The following DGCR2 variants were observed in gnomAD, a reference collection of about 807,000 sequenced individuals.
DGCR2 encodes DiGeorge syndrome critical region gene 2, also known as integral membrane protein DGCR2/IDD.
A neutral mutation model predicts 51.6 loss-of-function variants in DGCR2; 24 were observed. The ratio of observed to expected loss-of-function variants is 0.47; its 90% confidence interval spans 0.34 to 0.65. The LOEUF is 0.65. DGCR2 is among the 30% of genes least tolerant of loss of function. The probability of loss-of-function intolerance (pLI) is 0.01; values close to 1 mark genes in which losing one functional copy is unlikely to be tolerated. For missense variants in DGCR2, 765 were observed against 772.1 expected, an observed-to-expected ratio of 0.99 and a Z score of 0.11; for synonymous variants, 340 against 315.4, an observed-to-expected ratio of 1.08 and a Z score of -0.82.
At chr22:19,044,853 T>C (rs1005145) in intron 7 of DGCR2, among the ~76,000 whole-genome samples, 1 of 152,246 alleles carries the variant, frequency 6.6e-6, no homozygotes, top group Non-Finnish European at 1.5e-5. Flanking sequence ...TATTATTGAG[T>C]TTTTATGTAT....
At position 19,077,020 on chromosome 22, in the gene DGCR2, A is replaced by T; in HGVS notation, c.203-8795T>A. The stretch of plus-strand genomic sequence containing the variant: ...ATTACAGGCGTGAGCCGCCGCACCC[A>T]GTCCTTTGCACATTTTTTAACCAGG... On this transcript the variant is annotated intron_variant, in intron 2 of 9. Transcript: ENST00000263196. Among the ~76,000 whole-genome samples, 2 of 152,142 alleles carry T rather than the reference A, an allele frequency of 1.3e-5. 1 individual carries two copies. The highest frequency in any genetic ancestry group is 1.3e-4 in the Admixed American group (2 of 15,268).
Position 19,117,005 on chromosome 22 carries a change from G to C in DGCR2, c.79+5123C>G, listed in dbSNP as rs150646680. Among the ~76,000 whole-genome samples the C allele has an allele frequency of 2.6e-3, 398 of 152,056 alleles. 2 individuals carry two copies. Among genetic ancestry groups the C allele is most frequent in the Admixed American group, 5.8e-3 (89 of 15,272 alleles). ...TGCTAAGAGGACACCTGCACAACCAGATCACCTCCCACCATGGCTAAGAGG... is the reference window on the plus strand; with the variant it reads ...TGCTAAGAGGACACCTGCACAACCACATCACCTCCCACCATGGCTAAGAGG... On this transcript the variant is annotated intron_variant, in intron 1 of 9. Coordinates refer to ENST00000263196, the MANE Select transcript of DGCR2 (RefSeq NM_005137.3).
chr22:19,093,806 G>A (rs2083107231), intron 1 of DGCR2, among the ~76,000 whole-genome samples: 1 of 151,962 alleles, frequency 6.6e-6, no homozygotes, highest in Non-Finnish European at 1.5e-5. Context: ...AAACCAGCCT[G>A]TGCAACATAA....
intron 4 of DGCR2, among the ~76,000 whole-genome samples, chr22:19,063,977 C>CAA (rs1371831936): frequency 2.3e-4 from 35 of 152,238 alleles, no homozygotes; most frequent in Admixed American, 2.3e-3. Context: ...AACACTTGCA[C>CAA]GGCTTCCCAC....
At chr22:19,104,284 A>G (rs1196773393) in intron 1 of DGCR2, among the ~76,000 whole-genome samples, 1 of 152,164 alleles carries the variant, frequency 6.6e-6, no homozygotes, top group Non-Finnish European at 1.5e-5. Flanking sequence ...CCCAGGAATT[A>G]GTGGATTCAT....
intron 1 of DGCR2, among the ~76,000 whole-genome samples, chr22:19,110,430 A>C (rs2083302199): frequency 6.6e-6 from 1 of 152,136 alleles, no homozygotes; most frequent in Non-Finnish European, 1.5e-5. Flanking sequence ...TATGGGAAGA[A>C]GACAAGAAAA....
chr22:19,087,405 T>A (rs1048185045), intron 2 of DGCR2, among the ~76,000 whole-genome samples: 3 of 152,208 alleles, frequency 2.0e-5, no homozygotes, highest in African/African-American at 7.2e-5. Context: ...TTTCTTTTTT[T>A]TTGAAACAGA....
At chr22:19,071,384 T>C (rs1387356267) in intron 2 of DGCR2, among the ~76,000 whole-genome samples, 1 of 152,236 alleles carries the variant, frequency 6.6e-6, no homozygotes, top group African/African-American at 2.4e-5. Flanking sequence ...GAAAGAAATA[T>C]TCACAATAGT....
intron 2 of DGCR2, among the ~76,000 whole-genome samples, chr22:19,083,086 CAAAA>C (rs60335630): frequency 3.4e-5 from 4 of 118,232 alleles, no homozygotes; most frequent in Admixed American, 8.6e-5. Context: ...GACCTTGTCT[CAAAA>C]AAAAAAAAAA....
intron 6 of DGCR2, among the ~76,000 whole-genome samples, chr22:19,056,745 T>C (rs1037921151): frequency 2.6e-5 from 4 of 152,138 alleles, no homozygotes; most frequent in Non-Finnish European, 4.4e-5. Context: ...ACAGGGATGA[T>C]TGTCTCTTCC....
intron 1 of DGCR2, among the ~76,000 whole-genome samples, chr22:19,095,187 A>T (rs1448320018): frequency 6.6e-6 from 1 of 151,488 alleles, no homozygotes; most frequent in African/African-American, 2.4e-5. Flanking sequence ...ACATGGAAAA[A>T]CCCCATCTCT....
chr22:19,081,935 T>C (rs2082940286), intron 2 of DGCR2, among the ~76,000 whole-genome samples: 1 of 152,234 alleles, frequency 6.6e-6, no homozygotes, highest in Admixed American at 6.5e-5. Flanking sequence ...CGAAATGCTT[T>C]ATAGGAGTTC....
chr22:19,097,427 C>T (rs907512262), intron 1 of DGCR2, among the ~76,000 whole-genome samples: 1 of 152,118 alleles, frequency 6.6e-6, no homozygotes, highest in Admixed American at 6.5e-5. Flanking sequence ...GGTGCGGGTG[C>T]CTGTAATCCC....
chr22:19,058,112 G>A (rs894878546), intron 5 of DGCR2, among the ~76,000 whole-genome samples: 1 of 147,048 alleles, frequency 6.8e-6, no homozygotes, highest in African/African-American at 2.5e-5. Flanking sequence ...TGCGTCTTTT[G>A]GAGCTCTGTT....
chr22:19,064,763 G>A (rs971043608), intron 4 of DGCR2, 85 bp downstream of exon 4: 2 of 1,309,806 alleles, frequency 1.5e-6, no homozygotes, highest in Admixed American at 3.6e-5. Context: ...TGTGCTCCAG[G>A]AGTTTACTGA....
At chr22:19,062,779 A>ATTCTCTCTCTCTCTCTCTCTCTCTCTCT in intron 5 of DGCR2, among the ~76,000 whole-genome samples, 1 of 127,354 alleles carries the variant, frequency 7.9e-6, no homozygotes, top group African/African-American at 2.7e-5. Context: ...ATGCATGCTC[A>ATTCTCTCTCTCTCTCTCTCTCTCTCTCT]CTCTCTCTCT....
intron 2 of DGCR2, among the ~76,000 whole-genome samples, chr22:19,078,229 A>T (rs2082900489): frequency 6.6e-6 from 1 of 151,764 alleles, no homozygotes; most frequent in Non-Finnish European, 1.5e-5. Flanking sequence ...CCAACTTATG[A>T]TAGTTTGACT....
chr22:19,041,303 T>A lies in DGCR2; in HGVS notation c.1160-9A>T, dbSNP rs202086192. ...GAGGTTGAAGTGGTGCACTGGGCCA[T>A]CAAAAGTGTGCAACGGGAACAGAGA... On this transcript the variant is annotated splice_polypyrimidine_tract_variant and intron_variant, in intron 8 of 9. Transcript: ENST00000263196. The A allele has an allele frequency of 6.2e-6, 10 of 1,612,752 alleles. No homozygotes were observed. The highest frequency in any genetic ancestry group is 8.5e-6 in the Non-Finnish European group (10 of 1,179,250).
chr22:19,067,274 G>C (rs979747830), intron 3 of DGCR2, among the ~76,000 whole-genome samples: 2 of 152,230 alleles, frequency 1.3e-5, no homozygotes, highest in Non-Finnish European at 2.9e-5. Context: ...TCGCGCCTGA[G>C]AGGGTCTGCT....
Sources: gnomAD v4.1 joint callset for allele counts (sites outside exome capture counted in the v4.1 genomes callset) on GRCh38, gnomAD v4.1.1 for gene constraint, MANE v1.5 for transcripts, NCBI Gene and HGNC (gene_info 2026-07-23, HGNC 2026-07-21) for gene names.